The following ABCB7 variants were observed in gnomAD, a reference collection of about 807,000 sequenced individuals.
The protein encoded by ABCB7 is iron-sulfur clusters transporter ABCB7, mitochondrial.
ABCB7 carries 7 observed loss-of-function variants against 54.4 expected under a neutral mutation model. That is an observed-to-expected ratio of 0.13 (90% confidence interval 0.07 to 0.24). ABCB7 has a LOEUF of 0.24. Among genes scored for constraint, ABCB7 ranks in the 10% least tolerant of loss-of-function variants. The pLI, the probability that ABCB7 is intolerant of heterozygous loss-of-function variation, is 1.00. For missense variants in ABCB7, 356 were observed against 570.4 expected (o/e 0.62, Z 3.83); for synonymous variants, 218 against 207.1 (o/e 1.05, Z -0.45).
At chrX:75,074,599 C>T (rs2081391269) in intron 6 of ABCB7, among the ~76,000 whole-genome samples, 1 of 111,860 alleles carries the variant, frequency 8.9e-6, no homozygotes. Flanking sequence ...ACATGGATGC[C>T]AATCAATGGT....
chrX:75,060,435 G>T, intron 14 of ABCB7, 105 bp from the exon 15 acceptor site: 1 of 637,032 alleles, frequency 1.6e-6, no homozygotes, highest in Non-Finnish European at 2.5e-6. Context: ...CATAAAAAAT[G>T]CCAGTTTTTT....
At chrX:75,069,776 A>G (rs937730119) in intron 10 of ABCB7, among the ~76,000 whole-genome samples, 1 of 111,818 alleles carries the variant, frequency 8.9e-6, no homozygotes, top group African/African-American at 3.3e-5. Context: ...TCATTATTAG[A>G]TAAGTAAATT....
At chrX:75,094,019 CATATATATAT>C (rs199523853) in intron 4 of ABCB7, among the ~76,000 whole-genome samples, 1 of 46,029 alleles carries the variant, frequency 2.2e-5, no homozygotes, top group African/African-American at 9.3e-5. Context: ...CTGTTATATA[CATATATATAT>C]ATATATATAT....
intron 1 of ABCB7, among the ~76,000 whole-genome samples, chrX:75,147,678 A>C (rs892821289): frequency 2.7e-5 from 3 of 111,914 alleles, no homozygotes; most frequent in Admixed American, 1.9e-4. Context: ...AGAGGGTGGA[A>C]GGTGGAAGAA....
At chrX:75,149,330 T>C (rs983766785) in intron 1 of ABCB7, among the ~76,000 whole-genome samples, 17 of 112,118 alleles carry the variant, frequency 1.5e-4, no homozygotes, top group Non-Finnish European at 2.8e-4. Context: ...ACAAATAAAG[T>C]AACTCAAAAA....
At position 75,086,744 on chromosome X, in the gene ABCB7, T is replaced by C. The variant is rs180879597; in HGVS notation, c.454-10090A>G. On this transcript the variant is annotated intron_variant, in intron 4 of 15. Coordinates refer to ENST00000373394, the MANE Select transcript of ABCB7 (RefSeq NM_001271696.3). ...AAACCAGACAAGGTAAGGTAGGAGA[T>C]TGGCATGAATTATTTTCCAAGCACT... Among the ~76,000 whole-genome samples the C allele has an allele frequency of 3.5e-4, 39 of 111,314 alleles. No individual in the cohort carries two copies. In the Admixed American group the frequency reaches 3.5e-3, roughly 10 times the overall value.
At chrX:75,111,327 C>T (rs758567363) in intron 3 of ABCB7, among the ~76,000 whole-genome samples, 5 of 112,032 alleles carry the variant, frequency 4.5e-5, no homozygotes, top group Middle Eastern at 4.6e-3. Context: ...TGGTAGAGGA[C>T]AGGCCTTACA....
intron 1 of ABCB7, among the ~76,000 whole-genome samples, chrX:75,140,939 AT>A (rs1371027441): frequency 1.8e-5 from 2 of 112,006 alleles, no homozygotes; most frequent in African/African-American, 6.5e-5. Context: ...GAGTTGTGGA[AT>A]GAAGTAGAAG....
At chrX:75,138,279 AGTAT>A (rs2082027882) in intron 1 of ABCB7, among the ~76,000 whole-genome samples, 1 of 111,192 alleles carries the variant, frequency 9.0e-6, no homozygotes, top group Admixed American at 9.5e-5. Context: ...GAAGAAAAAA[AGTAT>A]GTATTATGAA....
intron 1 of ABCB7, among the ~76,000 whole-genome samples, chrX:75,152,660 T>C (rs1428998698): frequency 1.8e-5 from 2 of 110,209 alleles, no homozygotes; most frequent in Non-Finnish European, 3.8e-5. Flanking sequence ...CAGGTCCTTT[T>C]TTTTTTTTCT....
chrX:75,135,857 A>C (rs962198595), intron 1 of ABCB7, among the ~76,000 whole-genome samples: 1 of 111,042 alleles, frequency 9.0e-6, no homozygotes, highest in Non-Finnish European at 1.9e-5. Context: ...ATCTAAGACA[A>C]ACCCACAGCC....
At chrX:75,080,761 T>C (rs768178083) in intron 4 of ABCB7, among the ~76,000 whole-genome samples, 2 of 112,398 alleles carry the variant, frequency 1.8e-5, no homozygotes, top group Non-Finnish European at 3.8e-5. Context: ...ATGTGCTTAT[T>C]TGCAATCTAT....
chrX:75,129,857 G>A (rs1383630937), intron 1 of ABCB7, among the ~76,000 whole-genome samples: 1 of 111,149 alleles, frequency 9.0e-6, no homozygotes, highest in African/African-American at 3.3e-5. Flanking sequence ...ATGAACAACA[G>A]TGGCTACCAC....
At chrX:75,057,371 A>AT (rs1332239020) in intron 15 of ABCB7, among the ~76,000 whole-genome samples, 2 of 107,826 alleles carry the variant, frequency 1.9e-5, no homozygotes, top group African/African-American at 6.8e-5. Flanking sequence ...ATCATGCCAT[A>AT]TAAGTTTCCT....
chrX:75,097,463 T>G (rs2081601112), intron 4 of ABCB7: 1 of 112,006 alleles, frequency 8.9e-6, no homozygotes, highest in African/African-American at 3.2e-5. Flanking sequence ...TACCTTTTAT[T>G]AGGGCAATAA....
At chrX:75,131,271 T>A (rs1378648111) in intron 1 of ABCB7, among the ~76,000 whole-genome samples, 1 of 109,427 alleles carries the variant, frequency 9.1e-6, no homozygotes, top group African/African-American at 3.3e-5. Context: ...AAGGAAAGAA[T>A]GTTGAGCCTA....
At chrX:75,116,266 G>C (rs976493792) in intron 1 of ABCB7, among the ~76,000 whole-genome samples, 12 of 111,192 alleles carry the variant, frequency 1.1e-4, no homozygotes, top group African/African-American at 3.9e-4. Context: ...TCTTCAGGCA[G>C]GGCTTAACTC....
chrX:75,099,808 A>G (rs2081623972), intron 3 of ABCB7, among the ~76,000 whole-genome samples: 1 of 110,450 alleles, frequency 9.1e-6, no homozygotes, highest in Admixed American at 9.7e-5. Context: ...TGGCAAAACA[A>G]TCCCCATTTA....
In ABCB7 at chrX:75,075,413, T is replaced by C. The variant is rs185344133; in HGVS notation, c.804A>G (p.Val268=). The C allele has an allele frequency of 8.1e-5, 98 of 1,209,668 alleles. No homozygotes were observed. The East Asian group carries it at 2.7e-3, about 34-fold the overall frequency. Residue 268 remains valine (V), a synonymous_variant, in exon 6 of 16, where the codon GTA becomes GTG. Transcript: ENST00000373394. Reference sequence around the variant, plus strand: ...CAAACATGATGGGAAGAAGATTAAATACCAAAGCACTCAGGACAAAACTGA... The same window carrying C: ...CAAACATGATGGGAAGAAGATTAAACACCAAAGCACTCAGGACAAAACTGA... ...RGISFVLSAL[V]FNLLPIMFEV...
Sources: allele counts gnomAD v4.1 joint callset (sites outside exome capture counted in the v4.1 genomes callset), GRCh38; gene constraint gnomAD v4.1.1; transcripts MANE v1.5; gene names NCBI Gene and HGNC (gene_info 2026-07-23, HGNC 2026-07-21).